AACS: variants seen among roughly 807,000 people sequenced by gnomAD.
AACS encodes acetoacetate-CoA ligase.
AACS carries 69 observed loss-of-function variants against 83.1 expected under a neutral mutation model. That is an observed-to-expected ratio of 0.83 (90% confidence interval 0.68 to 1.01). The LOEUF (loss-of-function observed/expected upper bound fraction) is 1.01, where lower values mean the gene tolerates loss of function less well. AACS is among the 50% of genes least tolerant of loss of function. The pLI, the probability that AACS is intolerant of heterozygous loss-of-function variation, is 0.00. For missense variants in AACS, 866 were observed against 882.2 expected, an observed-to-expected ratio of 0.98 and a Z score of 0.23; for synonymous variants, 333 against 343.4, an observed-to-expected ratio of 0.97 and a Z score of 0.33.
intron 9 of AACS, chr12:125,118,173 C>T (rs1191306843): frequency 3.7e-5 from 6 of 162,694 alleles, no homozygotes; most frequent in East Asian, 1.9e-4. Flanking sequence ...GGCAGGTTCC[C>T]GACACCATTC....
chr12:125,079,860 T>C (rs1366918497), intron 3 of AACS, among the ~76,000 whole-genome samples: 3 of 152,202 alleles, frequency 2.0e-5, no homozygotes, highest in African/African-American at 7.2e-5. Context: ...AGTCACTCTC[T>C]GTTCCTGCCT....
intron 5 of AACS, among the ~76,000 whole-genome samples, chr12:125,095,500 C>T (rs967875830): frequency 9.2e-5 from 14 of 152,320 alleles, no homozygotes; most frequent in Non-Finnish European, 1.8e-4. Context: ...AATTCTCTGC[C>T]GCCCTCCGGG....
At chr12:125,083,733 A>C (rs1353049561) in intron 3 of AACS, among the ~76,000 whole-genome samples, 1 of 152,128 alleles carries the variant, frequency 6.6e-6, no homozygotes, top group Non-Finnish European at 1.5e-5. Flanking sequence ...GACTCACTGC[A>C]ACCTCCGTCT....
At chr12:125,076,933 G>A (rs544213262) in intron 3 of AACS, among the ~76,000 whole-genome samples, 5 of 152,140 alleles carry the variant, frequency 3.3e-5, no homozygotes, top group South Asian at 2.1e-4. Context: ...TGCAGAGGCC[G>A]GGTGTGGTGG....
At position 125,094,978 on chromosome 12, in the gene AACS, CGTGT is replaced by C. The variant is rs57643228; in HGVS notation, c.570+3498_570+3501del. On this transcript the variant is annotated intron_variant, in intron 5 of 17. Coordinates refer to ENST00000316519, the MANE Select transcript of AACS (RefSeq NM_023928.5). The surrounding 1 kb of genome is among the most constrained non-coding windows in gnomAD (Gnocchi z 4.1). ...TCCTCCTGAAGTGCCATCAGGTGGC[CGTGT>C]GTGTGTGTGTGTGTGTGTGTGTGTG... 6.1e-3 allele frequency among the ~76,000 whole-genome samples: 883 copies of C among 145,316 alleles called. 7 individuals carry two copies. The highest frequency in any genetic ancestry group is 0.017 in the South Asian group (76 of 4,384).
intron 9 of AACS, chr12:125,118,196 C>CA (rs1957091024): frequency 6.1e-6 from 1 of 165,216 alleles, no homozygotes; most frequent in African/African-American, 2.4e-5. Context: ...CATGGATGAA[C>CA]AATGTCTTGG....
intron 10 of AACS, chr12:125,123,262 A>C (rs1427475191): frequency 6.6e-6 from 1 of 152,312 alleles, no homozygotes. Context: ...ACTGCTGCTC[A>C]GGGCCGGGTG....
In AACS at chr12:125,097,857, C is replaced by A. The variant is rs1956642305; in HGVS notation, c.571-4822C>A. ...CCACACCCTTTCACTCCCTTCCCTACCGTTGGCTGTTCTTGCCGCCTCTCC... is the reference window on the plus strand; with the variant it reads ...CCACACCCTTTCACTCCCTTCCCTAACGTTGGCTGTTCTTGCCGCCTCTCC... On this transcript the variant is annotated intron_variant, in intron 5 of 17. Coordinates refer to ENST00000316519, the MANE Select transcript of AACS (RefSeq NM_023928.5). The surrounding 1 kb of genome is among the most constrained non-coding windows in gnomAD (Gnocchi z 4.3). 6.6e-6 allele frequency among the ~76,000 whole-genome samples: 1 copy of A among 152,138 alleles called. No homozygotes were observed.
intron 5 of AACS, chr12:125,102,340 G>A (rs1054472479): frequency 1.7e-5 from 4 of 236,244 alleles, no homozygotes; most frequent in African/African-American, 4.6e-5. Flanking sequence ...GTGAGCCAGC[G>A]CGCCCGGCCT....
chr12:125,089,846 TATCC>T (rs973263730), intron 4 of AACS, among the ~76,000 whole-genome samples: 15 of 116,690 alleles, frequency 1.3e-4, no homozygotes, highest in Non-Finnish European at 1.8e-4. Flanking sequence ...CACCATCATT[TATCC>T]ATCCATCCAT....
At chr12:125,088,410 T>C (rs745389761) in intron 4 of AACS, among the ~76,000 whole-genome samples, 47 of 151,868 alleles carry the variant, frequency 3.1e-4, no homozygotes, top group Admixed American at 2.0e-4. Context: ...TTTTTGTATT[T>C]TTGGTAAAGA....
intron 4 of AACS, among the ~76,000 whole-genome samples, chr12:125,090,677 G>A (rs549878262): frequency 1.5e-4 from 22 of 149,212 alleles, no homozygotes; most frequent in South Asian, 1.1e-3. Context: ...TCTGTCATCC[G>A]TCCATTCATT....
intron 3 of AACS, among the ~76,000 whole-genome samples, chr12:125,078,996 G>A (rs774089871): frequency 5.3e-5 from 8 of 152,040 alleles, no homozygotes; most frequent in Non-Finnish European, 8.8e-5. Context: ...TGGGGTGTAG[G>A]GCTGTTTTAG....
intron 2 of AACS, among the ~76,000 whole-genome samples, chr12:125,074,975 G>GTT (rs34831405): frequency 0.013 from 1,420 of 113,496 alleles, 26 homozygotes; most frequent in Middle Eastern, 0.035. Flanking sequence ...CATTGTCATA[G>GTT]TTTTTTTTTT....
Position 125,118,757 on chromosome 12 carries a change from CAGGATAGGGT to C in AACS, c.1117_1121+5del. On this transcript the variant is annotated splice_donor_variant and coding_sequence_variant, in exon 10 of 18. Transcript: ENST00000316519. LOFTEE classifies it high-confidence loss of function. Reference sequence around the variant, plus strand: ...CCAATGTGCTCTGGGACCTGGTTGACAGGATAGGGTAGGTACCAAGATGCTGTGCTCAAAG... The same window carrying C: ...CCAATGTGCTCTGGGACCTGGTTGACAGGTACCAAGATGCTGTGCTCAAAG... The C allele has an allele frequency of 1.2e-6, 2 of 1,614,084 alleles. No individual in the cohort carries two copies. The highest frequency in any genetic ancestry group is 1.7e-6 in the Non-Finnish European group (2 of 1,179,968).
chr12:125,109,764 G>A (rs1237455187), intron 8 of AACS, among the ~76,000 whole-genome samples: 1 of 152,144 alleles, frequency 6.6e-6, no homozygotes, highest in African/African-American at 2.4e-5. Context: ...GCAGCTCCTT[G>A]GGCTTCTTCG....
intron 10 of AACS, chr12:125,123,994 G>A (rs1287151696): frequency 2.6e-5 from 4 of 152,318 alleles, no homozygotes; most frequent in African/African-American, 4.8e-5. Flanking sequence ...ATGTGATCTT[G>A]TTTAAGAAAA....
intron 4 of AACS, among the ~76,000 whole-genome samples, chr12:125,086,812 C>A (rs1264064421): frequency 6.6e-6 from 1 of 150,814 alleles, no homozygotes; most frequent in Non-Finnish European, 1.5e-5. Context: ...GATGAAGGCC[C>A]ATTCAATATG....
chr12:125,073,747 C>T, intron 1 of AACS, 129 bp from the exon 2 acceptor site: 1 of 689,160 alleles, frequency 1.5e-6, no homozygotes, highest in Non-Finnish European at 2.5e-6. Context: ...TCCTTCCTCC[C>T]CCAGACCATT....
Sources: allele counts gnomAD v4.1 joint callset (sites outside exome capture counted in the v4.1 genomes callset), GRCh38; gene constraint gnomAD v4.1.1; non-coding constraint Gnocchi (gnomAD v3.1); transcripts MANE v1.5; gene names NCBI Gene and HGNC (gene_info 2026-07-23, HGNC 2026-07-21).